The following SLC9A5 variants were observed in gnomAD, a reference collection of about 807,000 sequenced individuals.
SLC9A5 encodes the protein sodium/hydrogen exchanger 5.
A neutral mutation model predicts 91.7 loss-of-function variants in SLC9A5; 52 were observed. That is an observed-to-expected ratio of 0.57 (90% CI 0.45 to 0.71). The LOEUF (loss-of-function observed/expected upper bound fraction) is 0.71. Ranked by LOEUF, SLC9A5 falls within the 30% of genes least tolerant of loss-of-function variation. The pLI, the probability that SLC9A5 is intolerant of heterozygous loss-of-function variation, is 0.00. For synonymous variants in SLC9A5, 419 were observed against 474.5 expected, an observed-to-expected ratio of 0.88 and a Z score of 1.52; for missense variants, 871 against 1,158.9, an observed-to-expected ratio of 0.75 and a Z score of 3.61.
chr16:67,249,830 G>A (rs984184275), intron 1 of SLC9A5, among the ~76,000 whole-genome samples: 9 of 152,170 alleles, frequency 5.9e-5, no homozygotes, highest in African/African-American at 1.9e-4. Flanking sequence ...GGGCCTTCCT[G>A]TGTGCTGTCT....
intron 2 of SLC9A5, 75 bp from the exon 3 acceptor site, chr16:67,254,946 G>A (rs1024649752): frequency 6.8e-7 from 1 of 1,468,836 alleles, no homozygotes; most frequent in Non-Finnish European, 9.3e-7. Context: ...TGGGGCCTGG[G>A]CTTGTTCCAG....
Position 67,257,622 on chromosome 16 carries a change from C to G in SLC9A5, c.1496+21C>G. On this transcript the variant is annotated intron_variant, in intron 9 of 15. Coordinates refer to ENST00000299798, the MANE Select transcript of SLC9A5 (RefSeq NM_004594.3). This position sits in a 1 kb window ranked among gnomAD's most constrained non-coding sequence, Gnocchi z 5.1. ...GACAGGTGAGGGAGCTGCCCCGAGG[C>G]TCCTTCAGCAGCAGCAGCCCCACCA... 5 of 1,612,994 alleles carry G rather than the reference C, an allele frequency of 3.1e-6. No homozygotes were observed. The highest frequency in any genetic ancestry group is 4.2e-6 in the Non-Finnish European group (5 of 1,179,048).
In SLC9A5 at chr16:67,255,963, G is replaced by A; in HGVS notation, c.911+33G>A. 1.2e-6 allele frequency: 2 copies of A among 1,603,174 alleles called. No homozygotes were observed. The highest frequency in any genetic ancestry group is 1.7e-6 in the Non-Finnish European group (2 of 1,174,092). On this transcript the variant is annotated intron_variant, in intron 5 of 15. Coordinates refer to ENST00000299798, the MANE Select transcript of SLC9A5 (RefSeq NM_004594.3). This position sits in a 1 kb window ranked among gnomAD's most constrained non-coding sequence, Gnocchi z 4.9. ...CTGGGGGCCTTGCAGGCAGATAGCTGGGAGGGGGCACTGGAGATGGTTGCC... is the reference window on the plus strand; with the variant it reads ...CTGGGGGCCTTGCAGGCAGATAGCTAGGAGGGGGCACTGGAGATGGTTGCC...
At position 67,258,487 on chromosome 16, in the gene SLC9A5, C is replaced by A; in HGVS notation, c.1626+40C>A. ...TCCAGGTGGGCCAGTGGTGGGTGGG[C>A]AGATGGTCAGCAGAGCAGGACAGAA... is the stretch of plus-strand genomic sequence containing the variant. On this transcript the variant is annotated intron_variant, in intron 10 of 15. Coordinates refer to ENST00000299798, the MANE Select transcript of SLC9A5 (RefSeq NM_004594.3). The surrounding 1 kb of genome is among the most constrained non-coding windows in gnomAD (Gnocchi z 4.5). 6.2e-7 allele frequency: 1 copy of A among 1,612,718 alleles called. No individual in the cohort carries two copies. Among genetic ancestry groups the A allele is most frequent in the South Asian group, 1.1e-5 (1 of 91,026 alleles).
At chr16:67,250,657 A>G (rs1236847430) in intron 1 of SLC9A5, among the ~76,000 whole-genome samples, 1 of 152,252 alleles carries the variant, frequency 6.6e-6, no homozygotes, top group East Asian at 1.9e-4. Context: ...AAGGCAGAGC[A>G]TTCAGGAACA....
chr16:67,255,686 C>A lies in SLC9A5; in HGVS notation c.734-67C>A. 6.7e-7 allele frequency: 1 copy of A among 1,488,552 alleles called. No homozygotes were observed. Among genetic ancestry groups the A allele is most frequent in the Non-Finnish European group, 9.1e-7 (1 of 1,102,096 alleles). The allele number at this position is 1,488,552 out of a possible 1,614,324, so 92.2% of individuals were successfully genotyped here. ...GCATCATCCCTCACTCCCTGCCAGG[C>A]AGCAGTCTTGTCAGCCCGGGTAGGG... is the stretch of plus-strand genomic sequence containing the variant. On this transcript the variant is annotated intron_variant, in intron 4 of 15. Coordinates refer to ENST00000299798, the MANE Select transcript of SLC9A5 (RefSeq NM_004594.3). The surrounding 1 kb of genome is among the most constrained non-coding windows in gnomAD (Gnocchi z 4.9).
chr16:67,256,709 C>T lies in SLC9A5; in HGVS notation c.1132+20C>T. 6.4e-7 allele frequency: 1 copy of T among 1,573,954 alleles called. No homozygotes were observed. Among genetic ancestry groups the T allele is most frequent in the Middle Eastern group, 2.1e-4 (1 of 4,752 alleles). ...CCCTCGGTATTGCTGGCACCCTCTG[C>T]TTTCCCACTCTCCTTCCTGTCCCGC... On this transcript the variant is annotated intron_variant, in intron 6 of 15. Coordinates refer to ENST00000299798, the MANE Select transcript of SLC9A5 (RefSeq NM_004594.3). This position sits in a 1 kb window ranked among gnomAD's most constrained non-coding sequence, Gnocchi z 4.1.
At chr16:67,253,575 T>G (rs1370865698) in intron 2 of SLC9A5, among the ~76,000 whole-genome samples, 1 of 152,134 alleles carries the variant, frequency 6.6e-6, no homozygotes, top group Non-Finnish European at 1.5e-5. Context: ...CAGGCTAGAG[T>G]GCAATGGCAT....
Position 67,258,666 on chromosome 16 carries a change from C to A in SLC9A5, c.1626+219C>A, listed in dbSNP as rs376392198. 6.6e-6 allele frequency among the ~76,000 whole-genome samples: 1 copy of A among 152,194 alleles called. No individual in the cohort carries two copies. Among genetic ancestry groups the A allele is most frequent in the African/African-American group, 2.4e-5 (1 of 41,448 alleles). ...CAGAGAGGTGGGAAACAGCTGGACTCTGGGGTCAGCTCAACCATTATCACT... is the reference window on the plus strand; with the variant it reads ...CAGAGAGGTGGGAAACAGCTGGACTATGGGGTCAGCTCAACCATTATCACT... On this transcript the variant is annotated intron_variant, in intron 10 of 15. Coordinates refer to ENST00000299798, the MANE Select transcript of SLC9A5 (RefSeq NM_004594.3). This position sits in a 1 kb window ranked among gnomAD's most constrained non-coding sequence, Gnocchi z 4.5.
At position 67,255,187 on chromosome 16, in the gene SLC9A5, G is replaced by T; in HGVS notation, c.654+3G>T. The T allele has an allele frequency of 6.2e-7, 1 of 1,612,374 alleles. No homozygotes were observed. Among genetic ancestry groups the T allele is most frequent in the South Asian group, 1.1e-5 (1 of 90,986 alleles). On this transcript the variant is annotated splice_donor_region_variant and intron_variant, in intron 3 of 15. Coordinates refer to ENST00000299798, the MANE Select transcript of SLC9A5 (RefSeq NM_004594.3). This position sits in a 1 kb window ranked among gnomAD's most constrained non-coding sequence, Gnocchi z 4.9. ...TGCTCAACGATGCTGTCACCGTGGTGAGCGTGCTCAGCTGACTGCCATTCC... is the reference window on the plus strand; with the variant it reads ...TGCTCAACGATGCTGTCACCGTGGTTAGCGTGCTCAGCTGACTGCCATTCC...
chr16:67,260,899 C>T (rs1441519434), intron 12 of SLC9A5, among the ~76,000 whole-genome samples: 1 of 152,218 alleles, frequency 6.6e-6, no homozygotes, highest in African/African-American at 2.4e-5. Context: ...AGCCAGCTGT[C>T]ACCAGTTCTG....
intron 2 of SLC9A5, among the ~76,000 whole-genome samples, chr16:67,254,113 C>A (rs4533277): frequency 1.3e-5 from 2 of 152,068 alleles, no homozygotes; most frequent in Admixed American, 1.3e-4. Context: ...GGCTAAGGAA[C>A]TTTTTGAGGT....
intron 2 of SLC9A5, among the ~76,000 whole-genome samples, chr16:67,254,186 A>T (rs529298459): frequency 6.6e-6 from 1 of 152,332 alleles, no homozygotes; most frequent in East Asian, 1.9e-4. Context: ...ATTATATGAC[A>T]TATTCAAGTC....
intron 2 of SLC9A5, 147 bp from the exon 3 acceptor site, chr16:67,254,874 G>T: frequency 1.4e-6 from 1 of 697,504 alleles, no homozygotes. Context: ...CTGATCTGCA[G>T]GCTAATGCTG....
intron 10 of SLC9A5, 110 bp from the exon 11 acceptor site, chr16:67,259,463 A>T: frequency 1.3e-6 from 1 of 751,280 alleles, no homozygotes; most frequent in African/African-American, 1.7e-5. Context: ...AGTACCTGGC[A>T]TGTCAAAAGA....
chr16:67,257,131 G>T lies in SLC9A5; in HGVS notation c.1335+18G>T, dbSNP rs374775773. On this transcript the variant is annotated intron_variant, in intron 7 of 15. Coordinates refer to ENST00000299798, the MANE Select transcript of SLC9A5 (RefSeq NM_004594.3). This position sits in a 1 kb window ranked among gnomAD's most constrained non-coding sequence, Gnocchi z 5.1. ...TCGTGCAGGTGGGAGTGCCCACAAGGCTGGGTAGGGAGAGGGTTGGGCAGG... is the reference window on the plus strand; with the variant it reads ...TCGTGCAGGTGGGAGTGCCCACAAGTCTGGGTAGGGAGAGGGTTGGGCAGG... 3.3e-5 allele frequency: 52 copies of T among 1,599,888 alleles called. No individual in the cohort carries two copies. The highest frequency in any genetic ancestry group is 4.1e-5 in the Non-Finnish European group (48 of 1,174,912).
rs2035270431 is a variant in SLC9A5, at chr16:67,255,271, C to G, written c.654+87C>G. The stretch of plus-strand genomic sequence containing the variant: ...GGTCTGCGCAGACTCAGTCCCTTCC[C>G]TTGGGTCCCCTGGGGCAGAAATATG... On this transcript the variant is annotated intron_variant, in intron 3 of 15. Transcript: ENST00000299798. The surrounding 1 kb of genome is among the most constrained non-coding windows in gnomAD (Gnocchi z 4.9). 6.5e-7 allele frequency: 1 copy of G among 1,543,908 alleles called. No individual in the cohort carries two copies. Among genetic ancestry groups the G allele is most frequent in the Admixed American group, 1.7e-5 (1 of 58,160 alleles).
rs2035920472 is a variant in SLC9A5, at chr16:67,271,393, C to T, written c.*183C>T. 1 of 611,138 alleles carries T rather than the reference C, an allele frequency of 1.6e-6. No homozygotes were observed. Among genetic ancestry groups the T allele is most frequent in the Non-Finnish European group, 2.9e-6 (1 of 343,866 alleles). The allele number at this position is 611,138 out of a possible 1,614,324, so 37.9% of individuals were successfully genotyped here. On this transcript the variant is annotated 3_prime_UTR_variant, in exon 16 of 16. Transcript: ENST00000299798. ...GTCCTCACAGGGGCCTTTCTCACCACCTCCCTGCTCCTAACCCCTGCCACT... is the reference window on the plus strand; with the variant it reads ...GTCCTCACAGGGGCCTTTCTCACCATCTCCCTGCTCCTAACCCCTGCCACT...
intron 1 of SLC9A5, 23 bp downstream of exon 1, chr16:67,249,224 C>T (rs1227020831): frequency 1.4e-6 from 2 of 1,395,270 alleles, no homozygotes; most frequent in African/African-American, 1.5e-5. Flanking sequence ...GTGCGTGCGC[C>T]AGGCCGACCG....
Sources: gnomAD v4.1 joint callset for allele counts (sites outside exome capture counted in the v4.1 genomes callset) on GRCh38, gnomAD v4.1.1 for gene constraint, Gnocchi (gnomAD v3.1) non-coding constraint, MANE v1.5 for transcripts, NCBI Gene and HGNC (gene_info 2026-07-23, HGNC 2026-07-21) for gene names.